Variants in FOXP1 observed in about 807,000 individuals in gnomAD.
FOXP1 encodes forkhead box protein P1.
A neutral mutation model predicts 98.2 loss-of-function variants in FOXP1; 15 were observed. That is an observed-to-expected ratio of 0.15 (90% CI 0.10 to 0.24). FOXP1 has a LOEUF of 0.24. FOXP1 is among the 10% of genes least tolerant of loss of function. The probability of loss-of-function intolerance (pLI) is 1.00; values close to 1 mark genes in which losing one functional copy is unlikely to be tolerated. For synonymous variants in FOXP1, 371 were observed against 314.5 expected (o/e 1.18, Z -1.90); for missense variants, 633 against 848.5 (o/e 0.75, Z 3.15).
intron 7 of FOXP1, among the ~76,000 whole-genome samples, chr3:71,062,577 T>C (rs2051680274): frequency 6.6e-6 from 1 of 152,228 alleles, no homozygotes; most frequent in Non-Finnish European, 1.5e-5. Context: ...TGCCATCACA[T>C]TTTCATGTAA....
At chr3:71,272,796 T>A (rs1166970301) in intron 5 of FOXP1, among the ~76,000 whole-genome samples, 2 of 152,154 alleles carry the variant, frequency 1.3e-5, no homozygotes, top group African/African-American at 4.8e-5. Context: ...TTTTTTTGAC[T>A]GGAAAGTCTT....
chr3:71,489,708 T>C (rs1560556883), intron 3 of FOXP1, among the ~76,000 whole-genome samples: 1 of 152,174 alleles, frequency 6.6e-6, no homozygotes, highest in Non-Finnish European at 1.5e-5. Flanking sequence ...CAAAGAGAGA[T>C]ACGAAGTGCT....
chr3:71,196,352 TTTG>T (rs1432598543), intron 6 of FOXP1, among the ~76,000 whole-genome samples: 3 of 152,150 alleles, frequency 2.0e-5, no homozygotes, highest in Non-Finnish European at 4.4e-5. Flanking sequence ...ATGTAGCCAA[TTTG>T]TTATCACTGT....
At chr3:71,119,662 G>A (rs2058619460) in intron 6 of FOXP1, among the ~76,000 whole-genome samples, 1 of 152,184 alleles carries the variant, frequency 6.6e-6, no homozygotes, top group Non-Finnish European at 1.5e-5. Flanking sequence ...AACCAAAGCA[G>A]TGATCATTTA....
intron 4 of FOXP1, among the ~76,000 whole-genome samples, chr3:71,354,234 C>T (rs528049068): frequency 2.6e-5 from 4 of 151,206 alleles, no homozygotes; most frequent in South Asian, 2.1e-4. Context: ...GCTGAGATTG[C>T]GCCACTGCGC....
chr3:71,399,203 G>A (rs1185942375), intron 3 of FOXP1, among the ~76,000 whole-genome samples: 2 of 152,038 alleles, frequency 1.3e-5, no homozygotes, highest in Non-Finnish European at 2.9e-5. Context: ...TATATGTGTA[G>A]ATATACAGGT....
intron 3 of FOXP1, among the ~76,000 whole-genome samples, chr3:71,372,759 TAAC>T (rs1237282727): frequency 6.6e-6 from 1 of 152,234 alleles, no homozygotes; most frequent in Non-Finnish European, 1.5e-5. Flanking sequence ...AGCTATAATG[TAAC>T]AAGTTATAAA....
intron 4 of FOXP1, among the ~76,000 whole-genome samples, chr3:71,353,210 A>G (rs1286481984): frequency 6.6e-6 from 1 of 152,040 alleles, no homozygotes; most frequent in Admixed American, 6.6e-5. Context: ...TAAAGTAAAA[A>G]CCCTCAGAAA....
rs141935452 is a variant in FOXP1 at position 71,244,118 on chromosome 3, A to G, written c.-11-45726T>C. Among the ~76,000 whole-genome samples the G allele has an allele frequency of 8.1e-4, 123 of 152,350 alleles. 1 individual carries two copies. The highest frequency in any genetic ancestry group is 1.9e-4 in the Non-Finnish European group (13 of 68,036). On this transcript the variant is annotated intron_variant, in intron 5 of 20. Transcript: ENST00000649528. ...TCATCAGGGAATCTTAGCTGCTGCC[A>G]TAAATTCAAGCATCCCCAAATGTCT...
chr3:71,565,123 G>A (rs9834492), intron 2 of FOXP1, among the ~76,000 whole-genome samples: 97,415 of 151,896 alleles, frequency 0.64, 32,723 homozygotes, highest in African/African-American at 0.7. Flanking sequence ...AATGAAAGAA[G>A]TCAAATCATC....
intron 11 of FOXP1, among the ~76,000 whole-genome samples, chr3:71,019,300 T>C (rs879631677): frequency 1.3e-5 from 2 of 152,208 alleles, no homozygotes; most frequent in Admixed American, 6.5e-5. Context: ...AGATAAATTA[T>C]TCAAGGGTAA....
intron 7 of FOXP1, among the ~76,000 whole-genome samples, chr3:71,085,735 C>CGTTTTTTTTTTTTTTTT (rs2054983655): frequency 2.7e-5 from 1 of 37,038 alleles, no homozygotes; most frequent in Non-Finnish European, 4.7e-5. Flanking sequence ...CATTTATGGC[C>CGTTTTTTTTTTTTTTTT]TTTTTTTTTT....
chr3:71,116,840 G>A (rs1471981774), intron 6 of FOXP1, among the ~76,000 whole-genome samples: 1 of 152,146 alleles, frequency 6.6e-6, no homozygotes, highest in African/African-American at 2.4e-5. Context: ...ATGTATCTGG[G>A]CATTATAATA....
At chr3:71,537,327 G>A (rs1261163610) in intron 2 of FOXP1, among the ~76,000 whole-genome samples, 1 of 152,244 alleles carries the variant, frequency 6.6e-6, no homozygotes, top group Non-Finnish European at 1.5e-5. Flanking sequence ...CACGAGGAAA[G>A]ACTGAAAGCG....
chr3:71,336,189 T>TA (rs544770052), intron 4 of FOXP1, among the ~76,000 whole-genome samples: 2 of 152,128 alleles, frequency 1.3e-5, no homozygotes, highest in Non-Finnish European at 2.9e-5. Flanking sequence ...AATAAAAGTT[T>TA]AAAAAATGCA....
intron 6 of FOXP1, chr3:71,130,354 A>G (rs2059489705): frequency 5.5e-6 from 4 of 726,340 alleles, no homozygotes; most frequent in Non-Finnish European, 9.0e-6. Context: ...TCTGATGGAG[A>G]GAGGAGGGAA....
At chr3:70,986,823 C>T (rs1575893802) in intron 14 of FOXP1, among the ~76,000 whole-genome samples, 1 of 152,130 alleles carries the variant, frequency 6.6e-6, no homozygotes, top group South Asian at 2.1e-4. Context: ...ATTTTATGTC[C>T]TTTATCTCAG....
chr3:71,170,900 T>A (rs190799008), intron 6 of FOXP1, among the ~76,000 whole-genome samples: 84 of 152,266 alleles, frequency 5.5e-4, no homozygotes, highest in Middle Eastern at 6.8e-3. Context: ...AAAAACACAG[T>A]TGTTTTAGTC....
At chr3:71,000,860 G>C (rs556323505) in intron 13 of FOXP1, 112 bp downstream of exon 13, 50 of 621,390 alleles carry the variant, frequency 8.0e-5, no homozygotes, top group South Asian at 3.7e-4. Context: ...ACAATGACAG[G>C]TTTTGGACCT....
Sources: allele counts gnomAD v4.1 joint callset (sites outside exome capture counted in the v4.1 genomes callset), GRCh38; gene constraint gnomAD v4.1.1; transcripts MANE v1.5; gene names NCBI Gene and HGNC (gene_info 2026-07-23, HGNC 2026-07-21).